The following HSDL2 variants were observed in gnomAD, a reference collection of about 807,000 sequenced individuals.
HSDL2 encodes the protein hydroxysteroid dehydrogenase like 2.
In HSDL2, 27 loss-of-function variants were observed where a neutral mutation model predicts 46.3. That is an observed-to-expected ratio of 0.58 (90% CI 0.43 to 0.80). The LOEUF (loss-of-function observed/expected upper bound fraction) is 0.80, where lower values mean the gene tolerates loss of function less well. HSDL2 is among the 30% of genes least tolerant of loss of function. HSDL2 has a pLI of 0.00. For synonymous variants in HSDL2, 153 were observed against 163.6 expected (o/e 0.94, Z 0.50); for missense variants, 451 against 502.7 (o/e 0.90, Z 0.98).
chr9:112,431,482 C>G (rs532474381), intron 6 of HSDL2, among the ~76,000 whole-genome samples: 1 of 152,124 alleles, frequency 6.6e-6, no homozygotes, highest in East Asian at 1.9e-4. Flanking sequence ...GAAGAAGGAG[C>G]TTGGGGAGTG....
chr9:112,440,311 AAG>A (rs577992756), intron 7 of HSDL2, among the ~76,000 whole-genome samples: 5 of 151,382 alleles, frequency 3.3e-5, no homozygotes, highest in Non-Finnish European at 3.0e-5. Context: ...ACTTCTGAAA[AAG>A]AGAGAGAGAG....
At chr9:112,386,847 A>G (rs1420864015) in intron 1 of HSDL2, among the ~76,000 whole-genome samples, 4 of 152,218 alleles carry the variant, frequency 2.6e-5, no homozygotes, top group Non-Finnish European at 5.9e-5. Context: ...GTACATGTCA[A>G]TAAAAATGAG....
At chr9:112,429,174 C>G (rs758486181) in intron 6 of HSDL2, among the ~76,000 whole-genome samples, 2 of 152,256 alleles carry the variant, frequency 1.3e-5, no homozygotes, top group Non-Finnish European at 2.9e-5. Flanking sequence ...GCGGGGATTA[C>G]AGGCATGAGC....
intron 1 of HSDL2, among the ~76,000 whole-genome samples, chr9:112,392,827 T>C (rs1831377168): frequency 6.6e-6 from 1 of 152,194 alleles, no homozygotes; most frequent in Admixed American, 6.5e-5. Context: ...ATCCTCAGCT[T>C]ACAAAGATAA....
chr9:112,422,339 T>C (rs901364859), intron 6 of HSDL2, among the ~76,000 whole-genome samples: 2 of 152,124 alleles, frequency 1.3e-5, no homozygotes, highest in East Asian at 3.8e-4. Flanking sequence ...ACACCCAGAA[T>C]AGCAGTTTTC....
intron 6 of HSDL2, chr9:112,433,873 C>T (rs899540821): frequency 6.6e-6 from 1 of 152,232 alleles, no homozygotes; most frequent in African/African-American, 2.4e-5. Flanking sequence ...CATACATTAT[C>T]CTCAATCAGA....
At chr9:112,438,886 A>G (rs1832585930) in intron 7 of HSDL2, 1 of 239,750 alleles carries the variant, frequency 4.2e-6, no homozygotes, top group African/African-American at 2.2e-5. Context: ...GTTACTAGCC[A>G]CTTCTAAATC....
chr9:112,384,637 G>A (rs1831179633), intron 1 of HSDL2, among the ~76,000 whole-genome samples: 1 of 151,758 alleles, frequency 6.6e-6, no homozygotes, highest in African/African-American at 2.4e-5. Flanking sequence ...GGCTGTTGTG[G>A]TAAACTGAGG....
intron 1 of HSDL2, among the ~76,000 whole-genome samples, chr9:112,391,022 A>T (rs1228699202): frequency 6.6e-6 from 1 of 151,906 alleles, no homozygotes; most frequent in Non-Finnish European, 1.5e-5. Context: ...CTAAAAATAC[A>T]AAAATTAGCC....
intron 1 of HSDL2, among the ~76,000 whole-genome samples, chr9:112,399,433 G>A (rs1383449573): frequency 4.6e-5 from 7 of 152,314 alleles, no homozygotes; most frequent in South Asian, 4.1e-4. Context: ...AGTGGTGCAC[G>A]TATTGTCTTG....
chr9:112,463,146 T>C (rs1833264219), intron 10 of HSDL2, among the ~76,000 whole-genome samples: 1 of 152,214 alleles, frequency 6.6e-6, no homozygotes, highest in African/African-American at 2.4e-5. Context: ...ATTATGGATA[T>C]TGCTGCTATG....
At chr9:112,431,622 C>G (rs1312303201) in intron 6 of HSDL2, among the ~76,000 whole-genome samples, 1 of 152,128 alleles carries the variant, frequency 6.6e-6, no homozygotes, top group Non-Finnish European at 1.5e-5. Context: ...GCACCATCCT[C>G]CTTGGTACTG....
Position 112,408,923 on chromosome 9 carries a change from A to G in HSDL2, c.297A>G (p.Val99=). 1 of 1,547,052 alleles carries G rather than the reference A, an allele frequency of 6.5e-7. No homozygotes were observed. The highest frequency in any genetic ancestry group is 1.7e-4 in the Middle Eastern group (1 of 5,922). ...TGAAAACAGGAATTGATATTCTGGTAAATAATGCCAGTGCCATTAGTTTGA... is the reference window on the plus strand; with the variant it reads ...TGAAAACAGGAATTGATATTCTGGTGAATAATGCCAGTGCCATTAGTTTGA... The part of the protein sequence containing the change: ...IKKFGGIDIL[V]NNASAISLTN... Residue 99 remains valine, a synonymous_variant, in exon 4 of 11, where the codon GTA becomes GTG. Transcript: ENST00000398805.
chr9:112,382,577 A>G (rs1416072151), intron 1 of HSDL2, among the ~76,000 whole-genome samples: 1 of 152,194 alleles, frequency 6.6e-6, no homozygotes, highest in African/African-American at 2.4e-5. Context: ...TGGAGATGCT[A>G]ATGGCATCTC....
intron 10 of HSDL2, among the ~76,000 whole-genome samples, chr9:112,459,807 T>C (rs1448003786): frequency 6.6e-6 from 1 of 152,180 alleles, no homozygotes. Flanking sequence ...GCCAGTAATA[T>C]AATGTTGGGA....
rs1833563847 is a variant in HSDL2, at chr9:112,471,083, C to T, written c.*539C>T. The T allele has an allele frequency of 6.6e-6, 1 of 152,168 alleles. No individual in the cohort carries two copies. Among genetic ancestry groups the T allele is most frequent in the Admixed American group, 6.5e-5 (1 of 15,278 alleles). The allele number at this position is 152,168 out of a possible 1,614,324, so 9.4% of individuals were successfully genotyped here. ...AATAATTTTTCATTTTGATAACTAG[C>T]TTTCCAGGTGGACTTAGCCATAGGA... is the stretch of plus-strand genomic sequence containing the variant. On this transcript the variant is annotated 3_prime_UTR_variant, in exon 11 of 11. Coordinates refer to ENST00000398805, the MANE Select transcript of HSDL2 (RefSeq NM_032303.5).
At chr9:112,402,593 T>G (rs1468634129) in intron 1 of HSDL2, among the ~76,000 whole-genome samples, 1 of 145,764 alleles carries the variant, frequency 6.9e-6, no homozygotes, top group Non-Finnish European at 1.5e-5. Context: ...CCAGCCTGAG[T>G]AAGATGGTGA....
chr9:112,395,142 G>A (rs1228647270), intron 1 of HSDL2, among the ~76,000 whole-genome samples: 1 of 152,164 alleles, frequency 6.6e-6, no homozygotes, highest in African/African-American at 2.4e-5. Flanking sequence ...TTCGTAAGGA[G>A]AAAAAGAAAG....
intron 10 of HSDL2, among the ~76,000 whole-genome samples, chr9:112,462,725 A>G (rs1000013126): frequency 2.0e-4 from 30 of 152,198 alleles, no homozygotes; most frequent in African/African-American, 6.5e-4. Flanking sequence ...AATAAAATTT[A>G]CCATCCTAAG....
Sources: allele counts gnomAD v4.1 joint callset (sites outside exome capture counted in the v4.1 genomes callset), GRCh38; gene constraint gnomAD v4.1.1; transcripts MANE v1.5; gene names NCBI Gene and HGNC (gene_info 2026-07-23, HGNC 2026-07-21).